Variants in RANBP17 observed in about 807,000 individuals in gnomAD.
RANBP17 encodes the protein ran-binding protein 17.
In RANBP17, 158 loss-of-function variants were observed where a neutral mutation model predicts 141.2. The observed-to-expected ratio is 1.12, with a 90% CI of 0.98 to 1.28. The LOEUF (loss-of-function observed/expected upper bound fraction) is 1.28, where lower values mean the gene tolerates loss of function less well. RANBP17 is among the 50% of genes most tolerant of loss of function. RANBP17 has a pLI of 0.00. For missense variants in RANBP17, 1,438 were observed against 1,290.7 expected (o/e 1.11, Z -1.75); for synonymous variants, 430 against 450.0 (o/e 0.96, Z 0.56).
chr5:170,976,599 TAA>T (rs1196958632), intron 14 of RANBP17, among the ~76,000 whole-genome samples: 7 of 152,278 alleles, frequency 4.6e-5, no homozygotes, highest in Non-Finnish European at 1.0e-4. Context: ...AAAGCAGCAA[TAA>T]GTTGTTACTT....
intron 14 of RANBP17, among the ~76,000 whole-genome samples, chr5:171,144,346 G>T (rs1473444851): frequency 2.6e-5 from 4 of 151,812 alleles, no homozygotes; most frequent in African/African-American, 4.8e-5. Flanking sequence ...CAGCCTGGGT[G>T]ACAGAGCAAG....
chr5:171,275,718 T>A (rs1266538937), intron 25 of RANBP17, among the ~76,000 whole-genome samples: 2 of 152,186 alleles, frequency 1.3e-5, no homozygotes, highest in African/African-American at 4.8e-5. Context: ...TAGATTAGCA[T>A]TATAATGGCA....
intron 25 of RANBP17, among the ~76,000 whole-genome samples, chr5:171,277,665 A>ATATATATATATATT: frequency 7.4e-6 from 1 of 135,166 alleles, no homozygotes; most frequent in African/African-American, 2.8e-5. Flanking sequence ...ATATATATAT[A>ATATATATATATATT]TATTTATGTC....
chr5:171,259,324 C>A (rs897724974), intron 24 of RANBP17, among the ~76,000 whole-genome samples: 1 of 152,126 alleles, frequency 6.6e-6, no homozygotes, highest in Non-Finnish European at 1.5e-5. Flanking sequence ...TCTCAAAAAA[C>A]TAAAAATAGA....
In RANBP17 at chr5:171,114,781, T is replaced by C. The variant is rs933752004; in HGVS notation, c.1711-55349T>C. ...TCATATGCCAGACCCTTTGCTTAAG[T>C]ACTAGGGACACAGACTAAATGTGGT... On this transcript the variant is annotated intron_variant, in intron 14 of 27. Coordinates refer to ENST00000523189, the MANE Select transcript of RANBP17 (RefSeq NM_022897.5). 2.0e-5 allele frequency among the ~76,000 whole-genome samples: 3 copies of C among 151,040 alleles called. No homozygotes were observed. In the Admixed American group the frequency reaches 2.0e-4, roughly 10 times the overall value.
chr5:171,070,434 C>G (rs1312032698), intron 14 of RANBP17, among the ~76,000 whole-genome samples: 2 of 152,118 alleles, frequency 1.3e-5, no homozygotes. Flanking sequence ...AATGTTAACA[C>G]TGGAAAAGTT....
chr5:171,078,818 C>T (rs1475203911), intron 14 of RANBP17, among the ~76,000 whole-genome samples: 1 of 152,236 alleles, frequency 6.6e-6, no homozygotes, highest in African/African-American at 2.4e-5. Flanking sequence ...ATTGACCACA[C>T]ACTTGGTCAT....
chr5:171,003,811 G>T (rs1485909786), intron 14 of RANBP17, among the ~76,000 whole-genome samples: 1 of 152,156 alleles, frequency 6.6e-6, no homozygotes, highest in African/African-American at 2.4e-5. Context: ...GTCAGCGTCA[G>T]GCCAGGTAAA....
chr5:171,186,622 C>T (rs1212386665), intron 18 of RANBP17, among the ~76,000 whole-genome samples: 10 of 134,448 alleles, frequency 7.4e-5, no homozygotes, highest in Non-Finnish European at 1.5e-4. Flanking sequence ...CTGCAAGCTC[C>T]GCCTCCCGGG....
chr5:170,946,968 C>T (rs2127485383), intron 12 of RANBP17, among the ~76,000 whole-genome samples: 1 of 152,230 alleles, frequency 6.6e-6, no homozygotes, highest in South Asian at 2.1e-4. Context: ...AACATGTGTA[C>T]TGGACAACTA....
At chr5:170,977,410 T>C (rs985818731) in intron 14 of RANBP17, among the ~76,000 whole-genome samples, 2 of 152,044 alleles carry the variant, frequency 1.3e-5, no homozygotes, top group African/African-American at 4.8e-5. Flanking sequence ...ACGTAAAATA[T>C]TGCAACCAAT....
chr5:170,920,777 A>G (rs914395149), intron 11 of RANBP17, among the ~76,000 whole-genome samples: 1 of 152,078 alleles, frequency 6.6e-6, no homozygotes, highest in Admixed American at 6.5e-5. Context: ...TGACTTTTTA[A>G]TGATCACCAT....
At chr5:171,143,035 C>A (rs1317213958) in intron 14 of RANBP17, among the ~76,000 whole-genome samples, 1 of 152,018 alleles carries the variant, frequency 6.6e-6, no homozygotes, top group Non-Finnish European at 1.5e-5. Context: ...GTATTTTGTA[C>A]CTAAAATTAA....
intron 21 of RANBP17, 75 bp downstream of exon 21, chr5:171,213,813 T>C (rs983398588): frequency 8.5e-7 from 1 of 1,171,668 alleles, no homozygotes; most frequent in African/African-American, 1.5e-5. Context: ...CTTTCTTTTT[T>C]GGTTTGTGTC....
intron 14 of RANBP17, among the ~76,000 whole-genome samples, chr5:171,156,322 A>G (rs565276229): frequency 6.6e-6 from 1 of 152,258 alleles, no homozygotes; most frequent in Admixed American, 6.5e-5. Flanking sequence ...AATTAGAAGA[A>G]AAAGGTACTT....
At chr5:171,103,501 G>A (rs541723108) in intron 14 of RANBP17, among the ~76,000 whole-genome samples, 13 of 152,276 alleles carry the variant, frequency 8.5e-5, no homozygotes, top group Admixed American at 6.5e-4. Context: ...TGCTGGCAGC[G>A]AGATTTTCAA....
chr5:170,909,701 CT>C lies in RANBP17; in HGVS notation c.531del (p.Thr178ProfsTer12). ...SRPSAKHRKI[A>X]TSFRDTSLKD... ...CCTTCAGCAAAACACAGGAAAATAG[CT>C]ACCTCATTTCGTGATACTTCTCTCA... On this transcript the variant is annotated frameshift_variant, in exon 6 of 28. Coordinates refer to ENST00000523189, the MANE Select transcript of RANBP17 (RefSeq NM_022897.5). LOFTEE classifies it high-confidence loss of function. The C allele has an allele frequency of 3.1e-6, 5 of 1,594,276 alleles. No homozygotes were observed. The South Asian group carries it at 5.6e-5, about 18-fold the overall frequency.
intron 14 of RANBP17, among the ~76,000 whole-genome samples, chr5:170,978,945 G>A (rs1777578012): frequency 6.6e-6 from 1 of 151,964 alleles, no homozygotes; most frequent in Admixed American, 6.6e-5. Context: ...GATGAATTAC[G>A]GTATTGTTAC....
chr5:171,078,254 A>G (rs1785061816), intron 14 of RANBP17, among the ~76,000 whole-genome samples: 2 of 150,862 alleles, frequency 1.3e-5, no homozygotes, highest in Admixed American at 1.3e-4. Context: ...AGTCTCACTC[A>G]GCCTCCCAAG....
Sources: allele counts gnomAD v4.1 joint callset (sites outside exome capture counted in the v4.1 genomes callset), GRCh38; gene constraint gnomAD v4.1.1; transcripts MANE v1.5; gene names NCBI Gene and HGNC (gene_info 2026-07-23, HGNC 2026-07-21).